NELL2: variants seen among roughly 807,000 people sequenced by gnomAD.
NELL2 encodes the protein protein kinase C-binding protein NELL2.
NELL2 carries 41 observed loss-of-function variants against 109.6 expected under a neutral mutation model. The observed-to-expected ratio is 0.37, with a 90% CI of 0.29 to 0.49. NELL2 has a LOEUF of 0.49. NELL2 is among the 20% of genes least tolerant of loss of function. The pLI is 0.98. For synonymous variants in NELL2, 355 were observed against 344.7 expected (o/e 1.03, Z -0.33); for missense variants, 900 against 1,008.3 (o/e 0.89, Z 1.45).
chr12:44,571,586 G>A (rs978179528), intron 15 of NELL2, among the ~76,000 whole-genome samples: 3 of 152,182 alleles, frequency 2.0e-5, no homozygotes, highest in African/African-American at 7.2e-5. Flanking sequence ...TTGCCACATC[G>A]TAGGCATCCA....
At position 44,686,147 on chromosome 12, in the gene NELL2, C is replaced by T. The variant is rs535802129; in HGVS notation, c.1318+17579G>A. On this transcript the variant is annotated intron_variant, in intron 12 of 19. Coordinates refer to ENST00000429094, the MANE Select transcript of NELL2 (RefSeq NM_001145108.2). ...TTCTTTTTCTCTAAACTTCCCTTCT[C>T]GCTTCATTTCATTCATTTCATCTTC... Among the ~76,000 whole-genome samples, 58 of 152,276 alleles carry T rather than the reference C, an allele frequency of 3.8e-4. No homozygotes were observed. In the East Asian group the frequency reaches 7.5e-3, roughly 20 times the overall value.
chr12:44,650,611 T>C (rs1947267329), intron 13 of NELL2, among the ~76,000 whole-genome samples: 2 of 152,086 alleles, frequency 1.3e-5, no homozygotes, highest in South Asian at 4.2e-4. Context: ...CCTCTCTATA[T>C]GTTGAAGCCC....
intron 15 of NELL2, among the ~76,000 whole-genome samples, chr12:44,603,751 C>G (rs78641164): frequency 0.016 from 2,419 of 152,178 alleles, 61 homozygotes; most frequent in East Asian, 0.08. Flanking sequence ...TGCAACCATT[C>G]CTACTAAGAT....
Position 44,520,129 on chromosome 12 carries a change from G to T in NELL2, c.2276C>A (p.Pro759His). The change falls in exon 19 of 20, where the codon CCT becomes CAT. Residue 759 changes from proline (P) to histidine (H), a missense_variant. By Grantham distance (77) the Pro-to-His change is moderately conservative. Transcript: ENST00000429094. ...NECCPRCVTD[P>H]CQADTIRNDI... ...ATTGCGGATGGTGTCAGCCTGGCAA[G>T]GGTCTGTGACACAGCGCGGGCAGCA... The T allele has an allele frequency of 6.2e-7, 1 of 1,614,144 alleles. No individual in the cohort carries two copies. Among genetic ancestry groups the T allele is most frequent in the East Asian group, 2.2e-5 (1 of 44,880 alleles).
intron 2 of NELL2, among the ~76,000 whole-genome samples, chr12:44,871,836 C>T (rs2055674): frequency 0.68 from 103,857 of 152,056 alleles, 36,287 homozygotes; most frequent in East Asian, 0.94. Flanking sequence ...TTATTTTCAA[C>T]TTAACAACTT....
chr12:44,605,454 G>C lies in NELL2; in HGVS notation c.1663+1715C>G, dbSNP rs146810685. Among the ~76,000 whole-genome samples the C allele has an allele frequency of 3.9e-4, 60 of 152,250 alleles. No homozygotes were observed. In the East Asian group the frequency reaches 0.011, roughly 28 times the overall value. Reference sequence around the variant, plus strand: ...CTTGGCTGCCACAGACAGCTATTTAGAATCAGTCTGGGATTGTCTTCTTAC... The same window carrying C: ...CTTGGCTGCCACAGACAGCTATTTACAATCAGTCTGGGATTGTCTTCTTAC... On this transcript the variant is annotated intron_variant, in intron 15 of 19. Transcript: ENST00000429094.
At chr12:44,681,378 AC>A (rs908505632) in intron 12 of NELL2, among the ~76,000 whole-genome samples, 2 of 147,090 alleles carry the variant, frequency 1.4e-5, no homozygotes, top group Non-Finnish European at 3.0e-5. Flanking sequence ...TGTTGGCATA[AC>A]CCTTTTTTAT....
At chr12:44,667,245 A>T (rs1246426531) in intron 12 of NELL2, among the ~76,000 whole-genome samples, 6 of 152,176 alleles carry the variant, frequency 3.9e-5, no homozygotes, top group African/African-American at 1.4e-4. Flanking sequence ...AAACAAAAAA[A>T]CACTAGTTCT....
At chr12:44,831,092 T>C (rs1286469080) in intron 2 of NELL2, among the ~76,000 whole-genome samples, 1 of 152,030 alleles carries the variant, frequency 6.6e-6, no homozygotes, top group Non-Finnish European at 1.5e-5. Flanking sequence ...TCTTGAAGTT[T>C]TTCCCACCAT....
chr12:44,698,066 G>T (rs764867004), intron 12 of NELL2, among the ~76,000 whole-genome samples: 7 of 152,068 alleles, frequency 4.6e-5, no homozygotes, highest in Non-Finnish European at 8.8e-5. Flanking sequence ...TTCACATAGT[G>T]TAATTTCCCT....
At chr12:44,633,356 T>C (rs1946523663) in intron 13 of NELL2, among the ~76,000 whole-genome samples, 1 of 152,104 alleles carries the variant, frequency 6.6e-6, no homozygotes, top group African/African-American at 2.4e-5. Flanking sequence ...TGTTTTACTT[T>C]GTGATAAGTT....
At chr12:44,917,871 C>T (rs1284553266), upstream of NELL2, among the ~76,000 whole-genome samples, 1 of 152,180 alleles carries the variant, frequency 6.6e-6, no homozygotes, top group African/African-American at 2.4e-5. Flanking sequence ...GACCTGAGGG[C>T]AGCCTCCAGA....
At chr12:44,599,945 A>G (rs1945136515) in intron 15 of NELL2, among the ~76,000 whole-genome samples, 1 of 149,766 alleles carries the variant, frequency 6.7e-6, no homozygotes, top group Admixed American at 6.7e-5. Context: ...GTGCGTAGGG[A>G]AAACCTAGAA....
At chr12:44,587,307 A>ATATATATATATT (rs1302978950) in intron 15 of NELL2, among the ~76,000 whole-genome samples, 2 of 96,646 alleles carry the variant, frequency 2.1e-5, no homozygotes, top group Admixed American at 1.2e-4. Context: ...ATATATATAT[A>ATATATATATATT]TTTTTTTTTA....
At chr12:44,875,451 A>C in intron 1 of NELL2, 98 bp from the exon 2 acceptor site, 1 of 1,613,862 alleles carries the variant, frequency 6.2e-7, no homozygotes, top group Non-Finnish European at 8.5e-7. Context: ...TTTTCGCGAC[A>C]ATATTGGGAA....
chr12:44,542,382 C>T (rs558561979), intron 15 of NELL2, among the ~76,000 whole-genome samples: 2 of 151,068 alleles, frequency 1.3e-5, no homozygotes, highest in East Asian at 2.0e-4. Flanking sequence ...TTTGTAGCTA[C>T]CAAATTCTTA....
intron 9 of NELL2, among the ~76,000 whole-genome samples, chr12:44,770,215 T>G (rs1320226366): frequency 6.6e-6 from 1 of 152,196 alleles, no homozygotes; most frequent in Non-Finnish European, 1.5e-5. Context: ...TTCACTACTT[T>G]GTATTTTTAT....
intron 3 of NELL2, among the ~76,000 whole-genome samples, chr12:44,788,628 T>C (rs1942268277): frequency 6.6e-6 from 1 of 152,134 alleles, no homozygotes; most frequent in South Asian, 2.1e-4. Context: ...AGCTGAACTT[T>C]GTAACAATTT....
At chr12:44,676,436 T>C (rs1948320546) in intron 12 of NELL2, among the ~76,000 whole-genome samples, 2 of 152,180 alleles carry the variant, frequency 1.3e-5, no homozygotes, top group Admixed American at 6.6e-5. Context: ...CCAGCTATCA[T>C]ATGCTTTAAA....
Sources: gnomAD v4.1 joint callset for allele counts (sites outside exome capture counted in the v4.1 genomes callset) on GRCh38, gnomAD v4.1.1 for gene constraint, MANE v1.5 for transcripts, NCBI Gene and HGNC (gene_info 2026-07-23, HGNC 2026-07-21) for gene names.